DOP1A: variants seen among roughly 807,000 people sequenced by gnomAD.
DOP1A encodes the protein DOP1 leucine zipper like protein A.
In DOP1A, 90 loss-of-function variants were observed where a neutral mutation model predicts 267.6. The observed-to-expected ratio is 0.34, with a 90% CI of 0.28 to 0.40. The LOEUF (loss-of-function observed/expected upper bound fraction) is 0.40, where lower values mean the gene tolerates loss of function less well. Among genes scored for constraint, DOP1A ranks in the 10% least tolerant of loss-of-function variants. DOP1A has a pLI of 1.00. For missense variants in DOP1A, 2,437 were observed against 2,900.4 expected (o/e 0.84, Z 3.67); for synonymous variants, 932 against 999.1 (o/e 0.93, Z 1.27).
chr6:83,127,226 G>A (rs1025462483), intron 15 of DOP1A, among the ~76,000 whole-genome samples: 13 of 152,124 alleles, frequency 8.5e-5, no homozygotes, highest in Admixed American at 2.0e-4. Flanking sequence ...TTCTAACCTG[G>A]TGGCTGGTGG....
At chr6:83,096,599 C>CAT (rs1239706349) in intron 1 of DOP1A, 132 bp from the exon 2 acceptor site, 16 of 398,372 alleles carry the variant, frequency 4.0e-5, no homozygotes, top group South Asian at 2.7e-4. Context: ...AGTAGAGGAG[C>CAT]ATATATATAT....
At chr6:83,089,477 A>G (rs1022715763) in intron 1 of DOP1A, among the ~76,000 whole-genome samples, 1 of 152,154 alleles carries the variant, frequency 6.6e-6, no homozygotes, top group Non-Finnish European at 1.5e-5. Context: ...ACAAAACATG[A>G]CACTAAATTA....
chr6:83,118,007 A>T lies in DOP1A; in HGVS notation c.781-881A>T, dbSNP rs184186350. 2.1e-3 allele frequency among the ~76,000 whole-genome samples: 317 copies of T among 152,310 alleles called. 2 individuals carry two copies. The highest frequency in any genetic ancestry group is 3.4e-3 in the Non-Finnish European group (233 of 68,018). ...GTTCACTGGTCTGTGATTAAGGAGA[A>T]GTGAGTTCTCCATCTAGCTGGGGCA... On this transcript the variant is annotated intron_variant, in intron 7 of 38. Transcript: ENST00000349129.
chr6:83,083,231 A>C (rs575095876), intron 1 of DOP1A, among the ~76,000 whole-genome samples: 3 of 152,248 alleles, frequency 2.0e-5, no homozygotes, highest in African/African-American at 7.2e-5. Flanking sequence ...GGGTATTTTG[A>C]GTTGAGCTTT....
intron 19 of DOP1A, chr6:83,134,625 G>C (rs1287915197): frequency 5.6e-6 from 1 of 177,812 alleles, no homozygotes; most frequent in Non-Finnish European, 1.2e-5. Flanking sequence ...AGTAGATTAT[G>C]TGTTTCTCAA....
intron 1 of DOP1A, among the ~76,000 whole-genome samples, chr6:83,079,588 A>AT (rs1339513986): frequency 9.2e-5 from 14 of 152,138 alleles, no homozygotes; most frequent in African/African-American, 3.1e-4. Context: ...CATACTATTT[A>AT]TTTTTTAAAT....
At chr6:83,152,148 CTT>C in intron 29 of DOP1A, 121 bp downstream of exon 29, 1 of 1,172,040 alleles carries the variant, frequency 8.5e-7, no homozygotes. Context: ...TAACAAGTAA[CTT>C]TTTTTCAGTG....
chr6:83,152,026 A>G lies in DOP1A; in HGVS notation c.6048A>G (p.Glu2016=), dbSNP rs1562370650. 1 of 1,613,852 alleles carries G rather than the reference A, an allele frequency of 6.2e-7. No individual in the cohort carries two copies. The highest frequency in any genetic ancestry group is 8.5e-7 in the Non-Finnish European group (1 of 1,179,848). The change falls in exon 29 of 39, where the codon GAA becomes GAG. Residue 2016 remains glutamate, a splice_region_variant and synonymous_variant. Transcript: ENST00000349129. ...GAACCAATTTGGAATCTGATGTTGA[A>G]GGTATTCTTGTCAAACATTTAGGTT... ...VDGTNLESDV[E]DMLSPAMETA... is the part of the protein sequence containing the mutation.
rs372587221 is a variant in DOP1A, at chr6:83,154,064, T to C, written c.6389+21T>C. ...AATCAGTAAGTTGCCCTCTTATTTG[T>C]ATTCAGCATGATGCACCTCACAGTC... is the stretch of plus-strand genomic sequence containing the variant. On this transcript the variant is annotated intron_variant, in intron 32 of 38. Transcript: ENST00000349129. 5.0e-6 allele frequency: 8 copies of C among 1,613,632 alleles called. No individual in the cohort carries two copies. In the African/African-American group the frequency reaches 9.3e-5, roughly 19 times the overall value.
At chr6:83,120,604 A>G in intron 9 of DOP1A, 79 bp from the exon 10 acceptor site, 1 of 1,205,198 alleles carries the variant, frequency 8.3e-7, no homozygotes, top group East Asian at 2.5e-5. Context: ...ATATGGTTGC[A>G]TTTAAAAATA....
At chr6:83,131,660 AT>A (rs113613878) in intron 17 of DOP1A, among the ~76,000 whole-genome samples, 62 of 146,662 alleles carry the variant, frequency 4.2e-4, no homozygotes, top group East Asian at 5.9e-4. Flanking sequence ...TACATGTCTG[AT>A]TTTTTTTTTT....
chr6:83,103,188 A>G (rs1053810455), intron 4 of DOP1A, among the ~76,000 whole-genome samples: 4 of 152,240 alleles, frequency 2.6e-5, no homozygotes, highest in African/African-American at 4.8e-5. Context: ...CATTCACAGT[A>G]ACCTGAATGG....
At chr6:83,072,144 G>A (rs965849726) in intron 1 of DOP1A, among the ~76,000 whole-genome samples, 6 of 152,100 alleles carry the variant, frequency 3.9e-5, no homozygotes, top group African/African-American at 1.4e-4. Context: ...GAACATACTG[G>A]AAAATAAATT....
Position 83,135,670 on chromosome 6 carries a change from C to A in DOP1A, c.2922C>A (p.Ser974Arg). The stretch of plus-strand genomic sequence containing the variant: ...TTAACAGTCTCGATGGTTCTACTAG[C>A]TCTGTGGGACAAGCCTGGCTGAACC... ...DSLNSLDGST[S>R]SVGQAWLNQV... Residue 974 changes from serine (S) to arginine (R), a missense_variant, in exon 20 of 39, where the codon AGC (serine) becomes AGA (arginine). This residue lies in a region of DOP1A where 878 missense variants were observed against 992.9 expected (regional missense o/e 0.88). Coordinates refer to ENST00000349129, the MANE Select transcript of DOP1A (RefSeq NM_015018.4). 1 of 1,613,602 alleles carries A rather than the reference C, an allele frequency of 6.2e-7. No individual in the cohort carries two copies. Among genetic ancestry groups the A allele is most frequent in the Non-Finnish European group, 8.5e-7 (1 of 1,179,668 alleles).
At chr6:83,092,170 G>A (rs1246025071) in intron 1 of DOP1A, among the ~76,000 whole-genome samples, 2 of 152,010 alleles carry the variant, frequency 1.3e-5, no homozygotes, top group East Asian at 3.9e-4. Context: ...GTGTGTTTAT[G>A]GTTAAATCTA....
intron 11 of DOP1A, 60 bp from the exon 12 acceptor site, chr6:83,122,803 A>T: frequency 7.7e-7 from 1 of 1,296,402 alleles, no homozygotes; most frequent in Non-Finnish European, 1.0e-6. Context: ...ACTCAAATTT[A>T]AATTTGAAAA....
At chr6:83,140,435 C>T (rs746628885) in intron 23 of DOP1A, 32 bp downstream of exon 23, 9 of 1,527,706 alleles carry the variant, frequency 5.9e-6, no homozygotes, top group Non-Finnish European at 6.2e-6. Context: ...CTGTAGAGCT[C>T]AAGAGTCTGA....
intron 7 of DOP1A, among the ~76,000 whole-genome samples, 192 bp downstream of exon 7, chr6:83,113,613 T>A (rs1472633350): frequency 6.6e-6 from 1 of 152,220 alleles, no homozygotes; most frequent in African/African-American, 2.4e-5. Context: ...TTCACTGATT[T>A]GATAAGAATA....
intron 5 of DOP1A, 117 bp from the exon 6 acceptor site, chr6:83,110,008 G>T: frequency 9.5e-7 from 1 of 1,057,120 alleles, no homozygotes; most frequent in Non-Finnish European, 1.3e-6. Context: ...TTGTTTCCAG[G>T]GTGGAACATA....
Sources: allele counts gnomAD v4.1 joint callset (sites outside exome capture counted in the v4.1 genomes callset), GRCh38; gene constraint gnomAD v4.1.1; regional missense constraint gnomAD v4.1.1; transcripts MANE v1.5; gene names NCBI Gene and HGNC (gene_info 2026-07-23, HGNC 2026-07-21).